The following CTNNA2 variants were observed in gnomAD, a reference collection of about 807,000 sequenced individuals.
The protein encoded by CTNNA2 is catenin alpha 2.
In CTNNA2, 42 loss-of-function variants were observed where a neutral mutation model predicts 101.0. The ratio of observed to expected loss-of-function variants is 0.42; its 90% CI spans 0.32 to 0.54. The LOEUF (loss-of-function observed/expected upper bound fraction) is 0.54. Among genes scored for constraint, CTNNA2 ranks in the 20% least tolerant of loss-of-function variants. CTNNA2 has a pLI of 0.14. For synonymous variants in CTNNA2, 450 were observed against 456.4 expected, an observed-to-expected ratio of 0.99 and a Z score of 0.18; for missense variants, 871 against 1,223.1, an observed-to-expected ratio of 0.71 and a Z score of 4.29.
chr2:79,255,626 A>C (rs1573001191), intron 2 of CTNNA2, among the ~76,000 whole-genome samples: 1 of 152,160 alleles, frequency 6.6e-6, no homozygotes, highest in Non-Finnish European at 1.5e-5. Context: ...AACATAGCAA[A>C]AGAAGAGTGG....
intron 7 of CTNNA2, among the ~76,000 whole-genome samples, chr2:80,030,200 A>G (rs1430231059): frequency 1.3e-5 from 2 of 151,680 alleles, no homozygotes; most frequent in Non-Finnish European, 2.9e-5. Flanking sequence ...TCATCCAAAC[A>G]CAGACACATT....
chr2:79,772,495 C>T (rs1673661254), intron 3 of CTNNA2, among the ~76,000 whole-genome samples: 1 of 152,164 alleles, frequency 6.6e-6, no homozygotes, highest in African/African-American at 2.4e-5. Context: ...AGCAGCTCTC[C>T]CATCTTCAGC....
chr2:79,868,419 T>C (rs1326030903), intron 4 of CTNNA2, among the ~76,000 whole-genome samples: 1 of 152,222 alleles, frequency 6.6e-6, no homozygotes, highest in Admixed American at 6.5e-5. Flanking sequence ...TGGTATTACA[T>C]ATCTCTGGGA....
At chr2:80,072,416 A>T (rs1698405082) in intron 7 of CTNNA2, among the ~76,000 whole-genome samples, 1 of 152,018 alleles carries the variant, frequency 6.6e-6, no homozygotes, top group African/African-American at 2.4e-5. Flanking sequence ...GTAGCACTTA[A>T]GCTTGGAAAA....
At chr2:80,261,532 C>G (rs1672607390) in intron 7 of CTNNA2, among the ~76,000 whole-genome samples, 1 of 152,028 alleles carries the variant, frequency 6.6e-6, no homozygotes, top group South Asian at 2.1e-4. Flanking sequence ...GCGGGTTTCA[C>G]TTGTTTAAAT....
chr2:80,013,188 C>T (rs1224114848), intron 7 of CTNNA2, among the ~76,000 whole-genome samples: 4 of 152,190 alleles, frequency 2.6e-5, no homozygotes, highest in African/African-American at 9.6e-5. Flanking sequence ...AAGTCCAAAA[C>T]AGTCTCAAAG....
rs1676408509 is a variant in CTNNA2, at chr2:79,585,260, G to T, written c.-5-66292G>T. ...TAATGTTTGCAGTAGTTTTTCAATTGTTTTTCTTGGTTATTCAGACACTTA... is the reference window on the plus strand; with the variant it reads ...TAATGTTTGCAGTAGTTTTTCAATTTTTTTTCTTGGTTATTCAGACACTTA... On this transcript the variant is annotated intron_variant, in intron 1 of 18. Coordinates refer to ENST00000402739, the MANE Select transcript of CTNNA2 (RefSeq NM_001282597.3). 2.0e-5 allele frequency among the ~76,000 whole-genome samples: 3 copies of T among 151,640 alleles called. No individual in the cohort carries two copies. The South Asian group carries it at 6.3e-4, about 32-fold the overall frequency.
At chr2:79,974,900 C>T (rs1690728421) in intron 7 of CTNNA2, among the ~76,000 whole-genome samples, 2 of 152,064 alleles carry the variant, frequency 1.3e-5, no homozygotes, top group South Asian at 2.1e-4. Context: ...TTAGGTAGCT[C>T]TGAAAGGTGT....
At chr2:79,532,212 C>T (rs1352411976) in intron 1 of CTNNA2, among the ~76,000 whole-genome samples, 1 of 151,890 alleles carries the variant, frequency 6.6e-6, no homozygotes, top group Non-Finnish European at 1.5e-5. Flanking sequence ...GCTCTCTCAG[C>T]CCACTGGGTC....
chr2:79,662,696 T>C (rs1162992392), intron 2 of CTNNA2, among the ~76,000 whole-genome samples: 2 of 152,180 alleles, frequency 1.3e-5, no homozygotes, highest in Non-Finnish European at 2.9e-5. Flanking sequence ...CACACTGGCT[T>C]ATATGTTTCT....
At chr2:80,382,359 A>AT (rs1175011929) in intron 7 of CTNNA2, among the ~76,000 whole-genome samples, 5 of 129,562 alleles carry the variant, frequency 3.9e-5, no homozygotes, top group Admixed American at 1.4e-4. Flanking sequence ...CTTTAATTGG[A>AT]TAAAAAAAAA....
intron 2 of CTNNA2, among the ~76,000 whole-genome samples, chr2:79,305,046 A>G (rs1676201786): frequency 6.6e-6 from 1 of 152,134 alleles, no homozygotes; most frequent in African/African-American, 2.4e-5. Flanking sequence ...TTTGTACAAA[A>G]TTTGTGGGAG....
At position 79,780,221 on chromosome 2, in the gene CTNNA2, G is replaced by A. The variant is rs113871723; in HGVS notation, c.298+35639G>A. On this transcript the variant is annotated intron_variant, in intron 3 of 18. Coordinates refer to ENST00000402739, the MANE Select transcript of CTNNA2 (RefSeq NM_001282597.3). ...TTACGTGTATTAATTGATGCTTTAT[G>A]TATCCCTAAAATGTATAAAACCAAG... Among the ~76,000 whole-genome samples, 473 of 152,254 alleles carry A rather than the reference G, an allele frequency of 3.1e-3. 2 individuals are homozygous for A. The highest frequency in any genetic ancestry group is 0.011 in the African/African-American group (455 of 41,542).
intron 1 of CTNNA2, among the ~76,000 whole-genome samples, chr2:79,548,532 T>A (rs1188509920): frequency 6.6e-6 from 1 of 152,218 alleles, no homozygotes; most frequent in Non-Finnish European, 1.5e-5. Flanking sequence ...CCACCAGCTA[T>A]GATTCTTTAC....
intron 7 of CTNNA2, among the ~76,000 whole-genome samples, chr2:80,046,378 C>T (rs374255146): frequency 1.1e-4 from 17 of 151,860 alleles, no homozygotes; most frequent in African/African-American, 3.4e-4. Context: ...AAATAAGTGA[C>T]GAAGACTCTA....
chr2:80,288,061 A>G (rs1476362185), intron 7 of CTNNA2, among the ~76,000 whole-genome samples: 2 of 152,052 alleles, frequency 1.3e-5, no homozygotes, highest in Admixed American at 1.3e-4. Flanking sequence ...TTTTGTTGAC[A>G]CCTCAAAACC....
At chr2:79,443,028 G>A (rs1379801339) in intron 4 of CTNNA2, among the ~76,000 whole-genome samples, 1 of 152,132 alleles carries the variant, frequency 6.6e-6, no homozygotes, top group Non-Finnish European at 1.5e-5. Context: ...GTCACCCTAA[G>A]ATACTGACAA....
intron 7 of CTNNA2, among the ~76,000 whole-genome samples, chr2:80,296,008 T>C (rs1190693425): frequency 1.3e-5 from 2 of 152,166 alleles, no homozygotes; most frequent in African/African-American, 4.8e-5. Flanking sequence ...ATGTGCACCC[T>C]ACTCACCAGA....
At chr2:80,068,706 A>C (rs990322102) in intron 7 of CTNNA2, among the ~76,000 whole-genome samples, 2 of 152,190 alleles carry the variant, frequency 1.3e-5, no homozygotes, top group African/African-American at 4.8e-5. Flanking sequence ...AGGGTAGGAA[A>C]AAGGAAAAAA....
Sources: gnomAD v4.1 joint callset for allele counts (sites outside exome capture counted in the v4.1 genomes callset) on GRCh38, gnomAD v4.1.1 for gene constraint, MANE v1.5 for transcripts, NCBI Gene and HGNC (gene_info 2026-07-23, HGNC 2026-07-21) for gene names.